MRPL42: variants seen among roughly 807,000 people sequenced by gnomAD.
MRPL42 encodes mitochondrial ribosomal protein L42.
In MRPL42, 17 loss-of-function variants were observed where a neutral mutation model predicts 17.9. That is an observed-to-expected ratio of 0.95 (90% confidence interval 0.65 to 1.42). MRPL42 has a LOEUF of 1.42. Ranked by LOEUF, MRPL42 falls within the 40% of genes most tolerant of loss-of-function variation. The pLI, the probability that MRPL42 is intolerant of heterozygous loss-of-function variation, is 0.00. For missense variants in MRPL42, 177 were observed against 175.2 expected, an observed-to-expected ratio of 1.01 and a Z score of -0.06; for synonymous variants, 59 against 54.4, an observed-to-expected ratio of 1.08 and a Z score of -0.37.
At chr12:93,475,396 A>G (rs1021744356) in intron 2 of MRPL42, among the ~76,000 whole-genome samples, 2 of 151,894 alleles carry the variant, frequency 1.3e-5, no homozygotes, top group African/African-American at 4.8e-5. Flanking sequence ...GATTACAGGC[A>G]TGAGCCACTG....
chr12:93,486,870 C>T (rs929899208), intron 4 of MRPL42, among the ~76,000 whole-genome samples: 10 of 149,946 alleles, frequency 6.7e-5, no homozygotes, highest in African/African-American at 2.5e-4. Context: ...CGCTGTGTTG[C>T]CCAGGCTGGT....
chr12:93,469,448 T>C, intron 2 of MRPL42, 93 bp downstream of exon 2: 1 of 868,896 alleles, frequency 1.2e-6, no homozygotes, highest in South Asian at 1.8e-5. Flanking sequence ...GCCTGTAATT[T>C]GCAGGAGTGT....
chr12:93,487,563 T>C lies in MRPL42; in HGVS notation c.286T>C (p.Leu96=). The C allele has an allele frequency of 1.2e-6, 2 of 1,613,732 alleles. No individual in the cohort carries two copies. Among genetic ancestry groups the C allele is most frequent in the East Asian group, 2.2e-5 (1 of 44,862 alleles). ...ETHDQVLKTR[L]EEKVEHLEEG... is the part of the protein sequence containing the mutation. ...ACATGATCAAGTGCTGAAAACCAGA[T>C]TGGAAGAAAAAGTTGAACACCTTGA... The change falls in exon 5 of 6, where the codon TTG becomes CTG. Residue 96 remains leucine, a synonymous_variant. Coordinates refer to ENST00000549982, the MANE Select transcript of MRPL42 (RefSeq NM_014050.4).
chr12:93,469,632 TA>T (rs59929768), intron 2 of MRPL42, among the ~76,000 whole-genome samples: 2 of 150,348 alleles, frequency 1.3e-5, no homozygotes, highest in Non-Finnish European at 3.0e-5. Flanking sequence ...CCCCCACCTC[TA>T]AAAAAAAATG....
rs984287428 is a variant in MRPL42, at chr12:93,516,039, TCTC to T, written c.*14821_*14823del. On this transcript the variant is annotated 3_prime_UTR_variant, in exon 6 of 6. Transcript: ENST00000549982. ...AGATGTATTGAGATAATCATGAAAT[TCTC>T]CTTCTTTCTGATAGTATCCAATCTG... 6.6e-6 allele frequency: 1 copy of T among 152,182 alleles called. No homozygotes were observed. The highest frequency in any genetic ancestry group is 2.4e-5 in the African/African-American group (1 of 41,448). The allele number at this position is 152,182 out of a possible 1,614,324, so 9.4% of individuals were successfully genotyped here.
rs1025571361 is a variant in MRPL42 at position 93,494,860 on chromosome 12, T to C, written c.384-6316T>C. Among the ~76,000 whole-genome samples the C allele has an allele frequency of 2.0e-5, 3 of 152,164 alleles. No individual in the cohort carries two copies. In the East Asian group the frequency reaches 5.8e-4, roughly 29 times the overall value. Reference sequence around the variant, plus strand: ...ATCAAGATAGTATATTAACTTTAGATATGTAAAAAGAATTTCAACCGTTAC... The same window carrying C: ...ATCAAGATAGTATATTAACTTTAGACATGTAAAAAGAATTTCAACCGTTAC... On this transcript the variant is annotated intron_variant, in intron 5 of 5. Transcript: ENST00000549982.
chr12:93,501,084 T>C, intron 5 of MRPL42, 92 bp from the exon 6 acceptor site: 1 of 956,668 alleles, frequency 1.0e-6, no homozygotes, highest in Non-Finnish European at 1.5e-6. Context: ...AAAAAAATAG[T>C]TCCAATAGCA....
chr12:93,467,935 A>G (rs368857621), intron 1 of MRPL42, among the ~76,000 whole-genome samples: 1 of 152,128 alleles, frequency 6.6e-6, no homozygotes, highest in Non-Finnish European at 1.5e-5. Flanking sequence ...CCTGGGGTGA[A>G]TAATCTGACT....
chr12:93,486,641 A>G (rs1365322479), intron 4 of MRPL42, among the ~76,000 whole-genome samples: 2 of 148,380 alleles, frequency 1.3e-5, no homozygotes, highest in Non-Finnish European at 1.5e-5. Flanking sequence ...CCCGGCCAAA[A>G]AATGTCATTT....
intron 5 of MRPL42, among the ~76,000 whole-genome samples, chr12:93,491,780 G>A (rs1005324413): frequency 1.3e-5 from 2 of 152,088 alleles, no homozygotes; most frequent in Admixed American, 6.6e-5. Flanking sequence ...TTTCCCTCCT[G>A]TCTGTTGTCC....
chr12:93,491,147 T>TC (rs1953404707), intron 5 of MRPL42, among the ~76,000 whole-genome samples: 1 of 152,220 alleles, frequency 6.6e-6, no homozygotes, highest in Admixed American at 6.5e-5. Context: ...TGCCTTGGGC[T>TC]CCCAAAGTGC....
rs1953659873 is a variant in MRPL42, at chr12:93,505,526, T to C, written c.*4305T>C. ...TCCCCAGAAGTTCAAAATAACTTGC[T>C]CATAGTCTTCCCAAAATAATTTTCA... On this transcript the variant is annotated 3_prime_UTR_variant, in exon 6 of 6. Transcript: ENST00000549982. 2 of 152,228 alleles carry C rather than the reference T, an allele frequency of 1.3e-5. No homozygotes were observed. Among genetic ancestry groups the C allele is most frequent in the Middle Eastern group, 3.4e-3 (1 of 294 alleles). The allele number at this position is 152,228 out of a possible 1,614,324, so 9.4% of individuals were successfully genotyped here. A position where few individuals can be genotyped will look rare whatever the true frequency, so the allele number is the denominator to read the frequency against.
Position 93,501,389 on chromosome 12 carries a change from T to G in MRPL42, c.*168T>G, listed in dbSNP as rs1183956234. Reference sequence around the variant, plus strand: ...AGTAATTCTGGATTTGACATTCTCATTTAGAGAAACCTATTTTCTTTTTTC... The same window carrying G: ...AGTAATTCTGGATTTGACATTCTCAGTTAGAGAAACCTATTTTCTTTTTTC... On this transcript the variant is annotated 3_prime_UTR_variant, in exon 6 of 6. Coordinates refer to ENST00000549982, the MANE Select transcript of MRPL42 (RefSeq NM_014050.4). 18 of 436,816 alleles carry G rather than the reference T, an allele frequency of 4.1e-5. No individual in the cohort carries two copies. Among genetic ancestry groups the G allele is most frequent in the Non-Finnish European group, 7.1e-5 (18 of 255,256 alleles). The allele number at this position is 436,816 out of a possible 1,614,324, so 27.1% of individuals were successfully genotyped here.
At position 93,502,063 on chromosome 12, in the gene MRPL42, G is replaced by A. The variant is rs1232114410; in HGVS notation, c.*842G>A. On this transcript the variant is annotated 3_prime_UTR_variant, in exon 6 of 6. Transcript: ENST00000549982. ...TATCAGGCTCCAAAGCTTTTTTTTAGTGCATCACAATGACAAAGGGGTGGT... is the reference window on the plus strand; with the variant it reads ...TATCAGGCTCCAAAGCTTTTTTTTAATGCATCACAATGACAAAGGGGTGGT... The A allele has an allele frequency of 6.6e-6, 1 of 152,072 alleles. No homozygotes were observed. The highest frequency in any genetic ancestry group is 1.9e-4 in the East Asian group (1 of 5,202). The allele number at this position is 152,072 out of a possible 1,614,324, so 9.4% of individuals were successfully genotyped here.
chr12:93,506,751 A>T lies in MRPL42; in HGVS notation c.*5530A>T, dbSNP rs1483057953. The T allele has an allele frequency of 6.6e-6, 1 of 152,128 alleles. No homozygotes were observed. The highest frequency in any genetic ancestry group is 2.4e-5 in the African/African-American group (1 of 41,412). 9.4% of individuals were successfully genotyped at this position (152,128 alleles called of 1,614,324 possible). A position where few individuals can be genotyped will look rare whatever the true frequency, so the allele number is the denominator to read the frequency against. On this transcript the variant is annotated 3_prime_UTR_variant, in exon 6 of 6. Coordinates refer to ENST00000549982, the MANE Select transcript of MRPL42 (RefSeq NM_014050.4). Reference sequence around the variant, plus strand: ...AAAATTAGTCTCTTCTTCACTCATAATGCAAAGTACATTGGATTACTATTA... The same window carrying T: ...AAAATTAGTCTCTTCTTCACTCATATTGCAAAGTACATTGGATTACTATTA...
chr12:93,469,676 A>G (rs1482049013), intron 2 of MRPL42, among the ~76,000 whole-genome samples: 1 of 152,126 alleles, frequency 6.6e-6, no homozygotes, highest in African/African-American at 2.4e-5. Flanking sequence ...AAATTATGGT[A>G]CATCTGAACT....
In MRPL42 at chr12:93,506,989, T is replaced by A. The variant is rs1451696408; in HGVS notation, c.*5768T>A. The A allele has an allele frequency of 2.0e-5, 3 of 152,182 alleles. No homozygotes were observed. The highest frequency in any genetic ancestry group is 7.2e-5 in the African/African-American group (3 of 41,454). The allele number at this position is 152,182 out of a possible 1,614,324, so 9.4% of individuals were successfully genotyped here. ...TGGAAACAGATCCAAAGACACTAAT[T>A]GACTTGCCCAAGATCACAGATTGTG... On this transcript the variant is annotated 3_prime_UTR_variant, in exon 6 of 6. Transcript: ENST00000549982.
At chr12:93,473,873 G>C (rs1360872636) in intron 2 of MRPL42, among the ~76,000 whole-genome samples, 2 of 152,074 alleles carry the variant, frequency 1.3e-5, no homozygotes, top group Admixed American at 6.6e-5. Context: ...CAGTCCTTAT[G>C]AATTTTTCAA....
intron 5 of MRPL42, among the ~76,000 whole-genome samples, chr12:93,497,783 C>T (rs1237634844): frequency 6.6e-6 from 1 of 151,084 alleles, no homozygotes; most frequent in African/African-American, 2.4e-5. Flanking sequence ...AAGAAAAAGT[C>T]AAATAATCTC....
Sources: allele counts gnomAD v4.1 joint callset (sites outside exome capture counted in the v4.1 genomes callset), GRCh38; gene constraint gnomAD v4.1.1; transcripts MANE v1.5; gene names NCBI Gene and HGNC (gene_info 2026-07-23, HGNC 2026-07-21).